ARHGAP30: variants seen among roughly 807,000 people sequenced by gnomAD.
The protein encoded by ARHGAP30 is Rho GTPase activating protein 30.
In ARHGAP30, 23 loss-of-function variants were observed where a neutral mutation model predicts 72.0. The observed-to-expected ratio is 0.32, with a 90% CI of 0.23 to 0.45. The LOEUF (loss-of-function observed/expected upper bound fraction) is 0.45. ARHGAP30 is among the 20% of genes least tolerant of loss of function. The pLI is 1.00. For missense variants in ARHGAP30, 1,319 were observed against 1,383.4 expected (o/e 0.95, Z 0.74); for synonymous variants, 576 against 528.2 (o/e 1.09, Z -1.24).
In ARHGAP30 at chr1:161,048,079, C is replaced by G; in HGVS notation, c.2942G>C (p.Gly981Ala). Residue 981 changes from glycine to alanine, a missense_variant, in exon 12 of 12, where the codon GGG becomes GCG. Around this residue, in one of 2 missense-constraint regions of ARHGAP30, gnomAD observed 1,097 missense variants for 1,045.2 expected, o/e 1.05. Transcript: ENST00000368013. ...LDGTPGERAW[G>A]SRASRSSWRN... ...CCAAGAGGATCGAGAAGCTCGGGAC[C>G]CCCAAGCCCTTTCTCCAGGAGTCCC... 1 of 1,614,186 alleles carries G rather than the reference C, an allele frequency of 6.2e-7. No homozygotes were observed. Among genetic ancestry groups the G allele is most frequent in the Non-Finnish European group, 8.5e-7 (1 of 1,180,030 alleles).
rs1211459166 is a variant in ARHGAP30, at chr1:161,047,075, T to C, written c.*640A>G. On this transcript the variant is annotated 3_prime_UTR_variant, in exon 12 of 12. Coordinates refer to ENST00000368013, the MANE Select transcript of ARHGAP30 (RefSeq NM_001025598.2). Reference sequence around the variant, plus strand: ...TCCCTTTCCTGAAATAGGAACAAGTTATTCCAAAGGAGAAAGGAGAGCCCA... The same window carrying C: ...TCCCTTTCCTGAAATAGGAACAAGTCATTCCAAAGGAGAAAGGAGAGCCCA... 18 of 445,322 alleles carry C rather than the reference T, an allele frequency of 4.0e-5. No homozygotes were observed. The highest frequency in any genetic ancestry group is 8.2e-5 in the Non-Finnish European group (18 of 218,274). The allele number at this position is 445,322 out of a possible 1,614,324, so 27.6% of individuals were successfully genotyped here. A position where few individuals can be genotyped will look rare whatever the true frequency, so the allele number is the denominator to read the frequency against.
chr1:161,064,777 GA>G (rs373425402), intron 1 of ARHGAP30, among the ~76,000 whole-genome samples: 7 of 68,662 alleles, frequency 1.0e-4, no homozygotes, highest in African/African-American at 2.1e-4. Flanking sequence ...AAGAAAGAAA[GA>G]AAAAGAAAGA....
rs868579432 is a variant in ARHGAP30 at position 161,048,323 on chromosome 1, G to A, written c.2698C>T (p.Pro900Ser). The change falls in exon 12 of 12, where the codon CCT (proline) becomes TCT (serine). Residue 900 changes from proline (P) to serine (S), a missense_variant. Coordinates refer to ENST00000368013, the MANE Select transcript of ARHGAP30 (RefSeq NM_001025598.2). ...CCGTCTGGACTGGGCTGCCCCTCAGGCTCCATCTCCTCTGGCTGAGGTGGC... is the reference window on the plus strand; with the variant it reads ...CCGTCTGGACTGGGCTGCCCCTCAGACTCCATCTCCTCTGGCTGAGGTGGC... ...PQPPQPEEMEPEGQPSPDGCL... is the reference protein window; with the variant it reads ...PQPPQPEEMESEGQPSPDGCL... 2 of 1,614,156 alleles carry A rather than the reference G, an allele frequency of 1.2e-6. No individual in the cohort carries two copies. The highest frequency in any genetic ancestry group is 1.1e-5 in the South Asian group (1 of 91,086).
intron 4 of ARHGAP30, 60 bp downstream of exon 4, chr1:161,054,563 T>G: frequency 1.2e-6 from 2 of 1,604,834 alleles, no homozygotes; most frequent in South Asian, 2.2e-5. Flanking sequence ...CAGTTAAGGC[T>G]CCAGGCAGCG....
rs759550626 is a variant in ARHGAP30, at chr1:161,065,879, AT to A, written c.97+3648del. The stretch of plus-strand genomic sequence containing the variant: ...ACTGCACCCGGCCCCTTATTTATTT[AT>A]TTATTTATTTATTTATTTATTTATT... On this transcript the variant is annotated intron_variant, in intron 1 of 11. Coordinates refer to ENST00000368013, the MANE Select transcript of ARHGAP30 (RefSeq NM_001025598.2). Among the ~76,000 whole-genome samples, 8 of 135,196 alleles carry A rather than the reference AT, an allele frequency of 5.9e-5. No homozygotes were observed. The South Asian group carries it at 1.1e-3, about 19-fold the overall frequency. The allele number at this position is 135,196 out of a possible 152,430, so 88.7% of individuals were successfully genotyped here. A position where few individuals can be genotyped will look rare whatever the true frequency, so the allele number is the denominator to read the frequency against.
At chr1:161,061,167 T>A (rs972863774) in intron 1 of ARHGAP30, among the ~76,000 whole-genome samples, 1 of 151,950 alleles carries the variant, frequency 6.6e-6, no homozygotes, top group East Asian at 1.9e-4. Flanking sequence ...GGGTTCTGTT[T>A]GTTTGTTTGT....
In ARHGAP30 at chr1:161,053,278, A is replaced by C; in HGVS notation, c.644T>G (p.Phe215Cys). ...EFILTHVDQL[F>C]GGAALSGGEV... is the part of the protein sequence containing the mutation. Reference sequence around the variant, plus strand: ...CTGACCAGAGAGGGCAGCACCCCCAAAGAGCTGGTCCACGTGTGTGAGGAT... The same window carrying C: ...CTGACCAGAGAGGGCAGCACCCCCACAGAGCTGGTCCACGTGTGTGAGGAT... Residue 215 changes from phenylalanine (F) to cysteine (C), a missense_variant, in exon 6 of 12, where the codon TTT becomes TGT. By Grantham distance (205) the Phe-to-Cys change is radical. Coordinates refer to ENST00000368013, the MANE Select transcript of ARHGAP30 (RefSeq NM_001025598.2). The C allele has an allele frequency of 1.9e-6, 3 of 1,613,932 alleles. No homozygotes were observed. Among genetic ancestry groups the C allele is most frequent in the Non-Finnish European group, 2.5e-6 (3 of 1,179,996 alleles).
In ARHGAP30 at chr1:161,054,648, G is replaced by A. The variant is rs763155341; in HGVS notation, c.403C>T (p.Arg135Trp). The change falls in exon 4 of 12, where the codon CGG (arginine) becomes TGG (tryptophan). Residue 135 changes from arginine to tryptophan, a missense_variant. This residue lies in a region of ARHGAP30 where 222 missense variants were observed against 338.2 expected (regional missense o/e 0.66). Transcript: ENST00000368013. ...ERLVKILEVL[R>W]ELPVPNYRTL... ...CTGTAGTTTGGGACAGGGAGTTCCC[G>A]AAGCACCTCTAGGATCTTGACCAAG... is the stretch of plus-strand genomic sequence containing the variant. The A allele has an allele frequency of 2.5e-6, 4 of 1,613,902 alleles. No homozygotes were observed. Among genetic ancestry groups the A allele is most frequent in the African/African-American group, 2.7e-5 (2 of 74,912 alleles).
Position 161,048,961 on chromosome 1 carries a change from T to C in ARHGAP30, c.2060A>G (p.Lys687Arg). ...AGCCTCCCCTCTATCCTCACTGGCC[T>C]TTCCAGCCTCCACCTTGGTCTCTGG... is the stretch of plus-strand genomic sequence containing the variant. Reference protein sequence around the residue: ...GSPETKVEAGKASEDRGEAGG... With the variant: ...GSPETKVEAGRASEDRGEAGG... Residue 687 changes from lysine to arginine, a missense_variant, in exon 12 of 12, where the codon AAG becomes AGG. This residue lies in a region of ARHGAP30 where 1,097 missense variants were observed against 1,045.2 expected (regional missense o/e 1.05). Transcript: ENST00000368013. 6.2e-7 allele frequency: 1 copy of C among 1,613,860 alleles called. No individual in the cohort carries two copies. Among genetic ancestry groups the C allele is most frequent in the African/African-American group, 1.3e-5 (1 of 75,012 alleles).
chr1:161,056,336 C>T, intron 3 of ARHGAP30, 52 bp downstream of exon 3: 1 of 1,588,960 alleles, frequency 6.3e-7, no homozygotes, highest in South Asian at 1.1e-5. Flanking sequence ...ATGTCAAAAC[C>T]AGGCTGTCCA....
chr1:161,067,831 C>T (rs1314440468), intron 1 of ARHGAP30, among the ~76,000 whole-genome samples: 2 of 152,170 alleles, frequency 1.3e-5, no homozygotes, highest in Admixed American at 6.5e-5. Flanking sequence ...TCACCAGCCT[C>T]TCTCTGTCCT....
intron 10 of ARHGAP30, 132 bp downstream of exon 10, chr1:161,051,182 A>C: frequency 7.0e-7 from 1 of 1,420,588 alleles, no homozygotes; most frequent in Non-Finnish European, 9.3e-7. Flanking sequence ...CTAGGGAGGC[A>C]GCTAAAGGTA....
chr1:161,059,744 A>G (rs1419897912), intron 1 of ARHGAP30, 28 bp from the exon 2 acceptor site: 1 of 1,589,026 alleles, frequency 6.3e-7, no homozygotes. Context: ...GCAGAGACAT[A>G]GAAATCAGAG....
At chr1:161,061,651 T>C (rs1333052880) in intron 1 of ARHGAP30, among the ~76,000 whole-genome samples, 1 of 152,192 alleles carries the variant, frequency 6.6e-6, no homozygotes, top group African/African-American at 2.4e-5. Context: ...ATGACTCAAA[T>C]CAAGGGTGCA....
In ARHGAP30 at chr1:161,049,018, C is replaced by G. The variant is rs1247697555; in HGVS notation, c.2003G>C (p.Arg668Thr). 7.4e-6 allele frequency: 12 copies of G among 1,614,000 alleles called. No homozygotes were observed. The highest frequency in any genetic ancestry group is 7.6e-6 in the Non-Finnish European group (9 of 1,180,036). ...GEDKQAEPGG[R>T]LDIREEAEGS... ...CTCTGCCTCTTCCCTGATGTCTAGC[C>G]TGCCTCCAGGCTCAGCCTGCTTGTC... is the stretch of plus-strand genomic sequence containing the variant. The change falls in exon 12 of 12, where the codon AGG becomes ACG. Residue 668 changes from arginine to threonine, a missense_variant. Around this residue, in one of 2 missense-constraint regions of ARHGAP30, gnomAD observed 1,097 missense variants for 1,045.2 expected, o/e 1.05. Transcript: ENST00000368013.
At chr1:161,059,105 T>A (rs983001936) in intron 2 of ARHGAP30, among the ~76,000 whole-genome samples, 3 of 151,864 alleles carry the variant, frequency 2.0e-5, no homozygotes, top group Non-Finnish European at 4.4e-5. Context: ...CTTGGCTCAC[T>A]GCAACCTCTG....
At chr1:161,059,266 T>C (rs925225500) in intron 2 of ARHGAP30, among the ~76,000 whole-genome samples, 13 of 151,876 alleles carry the variant, frequency 8.6e-5, no homozygotes, top group African/African-American at 3.1e-4. Flanking sequence ...TGACCTCAGG[T>C]GATCCACCCA....
chr1:161,064,439 G>C (rs1215818007), intron 1 of ARHGAP30, among the ~76,000 whole-genome samples: 1 of 152,166 alleles, frequency 6.6e-6, no homozygotes, highest in Non-Finnish European at 1.5e-5. Flanking sequence ...GGACTCATCA[G>C]AGCAATTCGT....
Position 161,048,805 on chromosome 1 carries a change from C to T in ARHGAP30, c.2216G>A (p.Gly739Glu), listed in dbSNP as rs777783938. ...MEAKGVEEPGGDEYTDEKEKE... is the reference protein window; with the variant it reads ...MEAKGVEEPGEDEYTDEKEKE... Reference sequence around the variant, plus strand: ...TTCCTTCTCATCTGTATACTCATCTCCTCCTGGTTCCTCCACACCTTTAGC... The same window carrying T: ...TTCCTTCTCATCTGTATACTCATCTTCTCCTGGTTCCTCCACACCTTTAGC... Residue 739 changes from glycine to glutamate, a missense_variant, in exon 12 of 12, where the codon GGA becomes GAA. Physicochemically the swap from Gly to Glu is moderately conservative, Grantham distance 98. This residue lies in a region of ARHGAP30 where 1,097 missense variants were observed against 1,045.2 expected (regional missense o/e 1.05). Transcript: ENST00000368013. The T allele has an allele frequency of 3.7e-6, 6 of 1,614,002 alleles. No individual in the cohort carries two copies. Among genetic ancestry groups the T allele is most frequent in the East Asian group, 2.2e-5 (1 of 44,892 alleles).
Sources: gnomAD v4.1 joint callset for allele counts (sites outside exome capture counted in the v4.1 genomes callset) on GRCh38, gnomAD v4.1.1 for gene constraint, gnomAD v4.1.1 regional missense constraint, MANE v1.5 for transcripts, NCBI Gene and HGNC (gene_info 2026-07-23, HGNC 2026-07-21) for gene names.